PTPN1: variants seen among roughly 807,000 people sequenced by gnomAD.
The protein encoded by PTPN1 is protein tyrosine phosphatase non-receptor type 1.
In PTPN1, 12 loss-of-function variants were observed where a neutral mutation model predicts 59.9. The ratio of observed to expected loss-of-function variants is 0.20; its 90% confidence interval spans 0.13 to 0.32. The LOEUF (loss-of-function observed/expected upper bound fraction) is 0.32, where lower values mean the gene tolerates loss of function less well. PTPN1 is among the 10% of genes least tolerant of loss of function. The pLI is 1.00. For missense variants in PTPN1, 356 were observed against 549.2 expected, an observed-to-expected ratio of 0.65 and a Z score of 3.52; for synonymous variants, 178 against 203.6, an observed-to-expected ratio of 0.87 and a Z score of 1.07.
At chr20:50,557,391 A>T (rs1172915901) in intron 1 of PTPN1, among the ~76,000 whole-genome samples, 2 of 152,084 alleles carry the variant, frequency 1.3e-5, no homozygotes, top group Non-Finnish European at 2.9e-5. Flanking sequence ...ACATACCACC[A>T]TGCCCAGCTC....
intron 1 of PTPN1, among the ~76,000 whole-genome samples, chr20:50,530,837 G>GTACCA (rs2082597875): frequency 6.6e-6 from 1 of 152,068 alleles, no homozygotes; most frequent in Non-Finnish European, 1.5e-5. Context: ...GAGACTACAG[G>GTACCA]CATGTACCAC....
intron 1 of PTPN1, among the ~76,000 whole-genome samples, chr20:50,530,841 G>T (rs2082597905): frequency 6.6e-6 from 1 of 151,968 alleles, no homozygotes; most frequent in Non-Finnish European, 1.5e-5. Context: ...CTACAGGCAT[G>T]TACCACTGTG....
At chr20:50,572,638 TTCTCTG>T (rs1378173267) in intron 4 of PTPN1, 7 of 152,214 alleles carry the variant, frequency 4.6e-5, no homozygotes, top group African/African-American at 1.4e-4. Flanking sequence ...CTTCGCTTCC[TTCTCTG>T]TCTGCTCACT....
chr20:50,563,210 G>GTACTCCTATCCTCCTCCCC (rs1444281628), intron 2 of PTPN1: 5 of 149,898 alleles, frequency 3.3e-5, no homozygotes, highest in Admixed American at 6.6e-5. Flanking sequence ...TCCTCCTCCC[G>GTACTCCTATCCTCCTCCCC]TACTCCTATC....
chr20:50,572,656 T>G (rs1225852561), intron 4 of PTPN1: 1 of 152,228 alleles, frequency 6.6e-6, no homozygotes, highest in East Asian at 1.9e-4. Context: ...CTGCTCACTC[T>G]GTGGAATGCC....
chr20:50,540,396 A>G (rs1022766034), intron 1 of PTPN1, among the ~76,000 whole-genome samples: 20 of 152,298 alleles, frequency 1.3e-4, no homozygotes, highest in African/African-American at 4.3e-4. Context: ...CTTAACAGAA[A>G]AATTATGAGA....
intron 5 of PTPN1, chr20:50,578,134 C>T (rs2082846294): frequency 3.0e-6 from 1 of 328,468 alleles, no homozygotes; most frequent in Non-Finnish European, 5.7e-6. Flanking sequence ...CCAGTTGTAA[C>T]CATGTAGACA....
In PTPN1 at chr20:50,546,620, C is replaced by T. The variant is rs777016451; in HGVS notation, c.64-14743C>T. 1.8e-4 allele frequency among the ~76,000 whole-genome samples: 27 copies of T among 152,192 alleles called. 1 individual carries two copies. Among genetic ancestry groups the T allele is most frequent in the African/African-American group, 4.6e-4 (19 of 41,434 alleles). On this transcript the variant is annotated intron_variant, in intron 1 of 9. Transcript: ENST00000371621. ...TCTTGTGCCACTCTTGGAATACAAA[C>T]GAAATTCTTAACCAAAGCCAGTTTC...
Position 50,581,301 on chromosome 20 carries a change from G to C in PTPN1, c.1125G>C (p.Val375=), listed in dbSNP as rs149610824. 1.5e-5 allele frequency: 24 copies of C among 1,613,110 alleles called. No homozygotes were observed. Among genetic ancestry groups the C allele is most frequent in the African/African-American group, 8.0e-5 (6 of 75,024 alleles). Residue 375 remains valine, a synonymous_variant, in exon 9 of 10, where the codon GTG becomes GTC. Transcript: ENST00000371621. ...ACACTGAAGTTAGAAGTCGGGTCGT[G>C]GGGGGAAGTCTTCGAGGTGCCCAGG... is the stretch of plus-strand genomic sequence containing the variant. ...SQDTEVRSRV[V]GGSLRGAQAA...
chr20:50,552,820 T>G (rs1255112453), intron 1 of PTPN1, among the ~76,000 whole-genome samples: 1 of 152,072 alleles, frequency 6.6e-6, no homozygotes, highest in Admixed American at 6.5e-5. Context: ...CTTTCTTCTC[T>G]TCCTCAGACA....
chr20:50,538,545 G>A (rs1259117441), intron 1 of PTPN1, among the ~76,000 whole-genome samples: 1 of 152,206 alleles, frequency 6.6e-6, no homozygotes, highest in Non-Finnish European at 1.5e-5. Context: ...GGAGAAGAGT[G>A]GGGAAGAGTA....
rs1038753786 is a variant in PTPN1, at chr20:50,530,178, T to A, written c.63+19588T>A. ...CCTTAGCCACTGTGCCTGGCTGATT[T>A]TTTTTTTTTTTTTTTTTTTAGGTTT... is the stretch of plus-strand genomic sequence containing the variant. On this transcript the variant is annotated intron_variant, in intron 1 of 9. Transcript: ENST00000371621. 4.7e-5 allele frequency among the ~76,000 whole-genome samples: 7 copies of A among 148,800 alleles called. No individual in the cohort carries two copies. The East Asian group carries it at 1.2e-3, about 25-fold the overall frequency.
intron 5 of PTPN1, 21 bp from the exon 6 acceptor site, chr20:50,578,399 A>G (rs759873292): frequency 3.8e-6 from 6 of 1,582,184 alleles, no homozygotes; most frequent in East Asian, 4.5e-5. Flanking sequence ...TAGAATCATC[A>G]TGAGTATTTT....
intron 1 of PTPN1, among the ~76,000 whole-genome samples, chr20:50,523,572 T>C (rs1242010087): frequency 6.6e-6 from 1 of 152,212 alleles, no homozygotes; most frequent in Non-Finnish European, 1.5e-5. Flanking sequence ...GATTCAGTCA[T>C]TCAAAAAATA....
intron 1 of PTPN1, among the ~76,000 whole-genome samples, chr20:50,559,301 C>G (rs542373271): frequency 3.3e-5 from 5 of 152,040 alleles, no homozygotes; most frequent in African/African-American, 4.8e-5. Context: ...TTTTATTGTC[C>G]CTTCTCATTT....
At chr20:50,515,481 A>G (rs2082525093) in intron 1 of PTPN1, among the ~76,000 whole-genome samples, 1 of 152,118 alleles carries the variant, frequency 6.6e-6, no homozygotes, top group Non-Finnish European at 1.5e-5. Flanking sequence ...TTATAAAGTC[A>G]AGGTCTCACT....
intron 1 of PTPN1, among the ~76,000 whole-genome samples, chr20:50,528,437 G>C (rs1009976840): frequency 1.2e-4 from 18 of 152,174 alleles, no homozygotes; most frequent in Non-Finnish European, 2.4e-4. Context: ...AACAAGGCCA[G>C]TCGCAGTGGC....
intron 1 of PTPN1, among the ~76,000 whole-genome samples, chr20:50,541,131 C>T (rs1474423495): frequency 6.6e-6 from 1 of 152,078 alleles, no homozygotes; most frequent in East Asian, 1.9e-4. Flanking sequence ...CTCTCAACAC[C>T]CAGCATTCCC....
chr20:50,519,959 G>T (rs2082544058), intron 1 of PTPN1, among the ~76,000 whole-genome samples: 1 of 152,146 alleles, frequency 6.6e-6, no homozygotes, highest in African/African-American at 2.4e-5. Context: ...ATGCTTTCTA[G>T]AAAGACAACT....
Sources: allele counts gnomAD v4.1 joint callset (sites outside exome capture counted in the v4.1 genomes callset), GRCh38; gene constraint gnomAD v4.1.1; transcripts MANE v1.5; gene names NCBI Gene and HGNC (gene_info 2026-07-23, HGNC 2026-07-21).